FAM120B: variants seen among roughly 807,000 people sequenced by gnomAD.
FAM120B encodes the protein constitutive coactivator of peroxisome proliferator-activated receptor gamma.
Under a neutral mutation model 96.3 loss-of-function variants are expected in FAM120B, and 83 were observed. The observed-to-expected ratio is 0.86, with a 90% CI of 0.72 to 1.03. FAM120B has a LOEUF of 1.03. FAM120B is among the 50% of genes least tolerant of loss of function. FAM120B has a pLI of 0.00. For synonymous variants in FAM120B, 407 were observed against 402.7 expected, an observed-to-expected ratio of 1.01 and a Z score of -0.13; for missense variants, 1,027 against 1,121.2, an observed-to-expected ratio of 0.92 and a Z score of 1.20.
intron 6 of FAM120B, among the ~76,000 whole-genome samples, chr6:170,366,527 C>T (rs749292910): frequency 1.4e-4 from 21 of 152,146 alleles, no homozygotes; most frequent in Non-Finnish European, 2.9e-4. Context: ...GAGTGGGGTT[C>T]CCCTGGTGGC....
chr6:170,382,042 G>T (rs938301501), intron 6 of FAM120B, among the ~76,000 whole-genome samples: 1 of 152,106 alleles, frequency 6.6e-6, no homozygotes, highest in African/African-American at 2.4e-5. Flanking sequence ...TAAAAAGCAT[G>T]CAGACAAAAA....
chr6:170,387,428 T>C (rs1218221973), intron 6 of FAM120B, among the ~76,000 whole-genome samples: 2 of 152,196 alleles, frequency 1.3e-5, no homozygotes, highest in African/African-American at 4.8e-5. Context: ...CAATGACGGA[T>C]TCAGTTTCAC....
chr6:170,393,106 G>A (rs1340089578), intron 8 of FAM120B, among the ~76,000 whole-genome samples: 4 of 134,536 alleles, frequency 3.0e-5, no homozygotes, highest in Non-Finnish European at 6.1e-5. Flanking sequence ...AAGGCCAGGA[G>A]TTTGACACTG....
At chr6:170,305,096 G>A (rs1784235563), upstream of FAM120B, among the ~76,000 whole-genome samples, 2 of 151,950 alleles carry the variant, frequency 1.3e-5, no homozygotes, top group South Asian at 4.1e-4. Context: ...CCACCCTCAT[G>A]ATTTATTCAC....
chr6:170,328,289 G>C (rs919931064), intron 3 of FAM120B, among the ~76,000 whole-genome samples: 9 of 152,052 alleles, frequency 5.9e-5, no homozygotes, highest in African/African-American at 2.4e-5. Context: ...TTTGTTAAAA[G>C]CTCAGACACA....
At chr6:170,399,517 G>C (rs1778417784) in intron 9 of FAM120B, among the ~76,000 whole-genome samples, 1 of 150,654 alleles carries the variant, frequency 6.6e-6, no homozygotes. Flanking sequence ...TCTTAGGAGT[G>C]AGTGGGGAAG....
chr6:170,337,208 G>A (rs1271075033), intron 4 of FAM120B, among the ~76,000 whole-genome samples: 3 of 152,048 alleles, frequency 2.0e-5, no homozygotes, highest in Non-Finnish European at 4.4e-5. Flanking sequence ...GATATCTTCC[G>A]TCAATACCTA....
chr6:170,318,925 C>T lies in FAM120B; in HGVS notation c.1535C>T (p.Thr512Ile), dbSNP rs756860858. 8.1e-6 allele frequency: 13 copies of T among 1,614,182 alleles called. No homozygotes were observed. The highest frequency in any genetic ancestry group is 1.6e-4 in the Middle Eastern group (1 of 6,062). ...HESKQEVPIC[T>I]DPISKQEDSM... ...TCCAAACAGGAAGTTCCCATATGTACAGATCCTATATCCAAGCAAGAAGAC... is the reference window on the plus strand; with the variant it reads ...TCCAAACAGGAAGTTCCCATATGTATAGATCCTATATCCAAGCAAGAAGAC... Residue 512 changes from threonine (T) to isoleucine (I), a missense_variant, in exon 2 of 11, where the codon ACA becomes ATA. Transcript: ENST00000476287.
chr6:170,326,138 A>G (rs979185290), intron 3 of FAM120B, among the ~76,000 whole-genome samples: 5 of 152,176 alleles, frequency 3.3e-5, no homozygotes, highest in Non-Finnish European at 7.4e-5. Flanking sequence ...TGTACCCTTC[A>G]CTCAGATTCC....
intron 6 of FAM120B, among the ~76,000 whole-genome samples, chr6:170,378,449 G>A (rs189407307): frequency 5.3e-5 from 8 of 152,214 alleles, no homozygotes; most frequent in Admixed American, 4.6e-4. Flanking sequence ...ACTTGTTTCC[G>A]TTCATGTCCC....
chr6:170,319,211 G>A, intron 2 of FAM120B, 87 bp downstream of exon 2: 1 of 1,325,620 alleles, frequency 7.5e-7, no homozygotes, highest in Non-Finnish European at 1.0e-6. Flanking sequence ...CTGCCTCAGT[G>A]TTTGGCCACT....
chr6:170,394,700 T>C (rs4710805), intron 8 of FAM120B, among the ~76,000 whole-genome samples: 44,740 of 53,414 alleles, frequency 0.84, 19,072 homozygotes, highest in African/African-American at 0.92. Flanking sequence ...CACAAGGCCA[T>C]GCCTCCGTGG....
At chr6:170,297,301 C>T (rs1030666137) in intron 1 of FAM120B, among the ~76,000 whole-genome samples, 48 of 152,292 alleles carry the variant, frequency 3.2e-4, no homozygotes, top group African/African-American at 1.1e-3. Context: ...CTTTCGAACG[C>T]GCCGTGCTTC....
In FAM120B at chr6:170,318,913, T is replaced by C. The variant is rs765172157; in HGVS notation, c.1523T>C (p.Val508Ala). 6.2e-7 allele frequency: 1 copy of C among 1,614,124 alleles called. No homozygotes were observed. Among genetic ancestry groups the C allele is most frequent in the Middle Eastern group, 1.6e-4 (1 of 6,062 alleles). Residue 508 changes from valine to alanine, a missense_variant, in exon 2 of 11, where the codon GTT (valine) becomes GCT (alanine). Physicochemically the swap from Val to Ala is moderately conservative, Grantham distance 64 (BLOSUM62 0). Coordinates refer to ENST00000476287, the MANE Select transcript of FAM120B (RefSeq NM_032448.3). ...ACAGGCCATGAATCCAAACAGGAAGTTCCCATATGTACAGATCCTATATCC... is the reference window on the plus strand; with the variant it reads ...ACAGGCCATGAATCCAAACAGGAAGCTCCCATATGTACAGATCCTATATCC... ...MCTGHESKQEVPICTDPISKQ... is the reference protein window; with the variant it reads ...MCTGHESKQEAPICTDPISKQ...
intron 4 of FAM120B, among the ~76,000 whole-genome samples, chr6:170,331,067 TCTTAAAG>T (rs1354027334): frequency 6.6e-6 from 1 of 152,222 alleles, no homozygotes; most frequent in East Asian, 1.9e-4. Flanking sequence ...ATGAGCAATA[TCTTAAAG>T]CTTAATGAGA....
At chr6:170,347,901 C>T (rs1208160423) in intron 4 of FAM120B, among the ~76,000 whole-genome samples, 2 of 151,912 alleles carry the variant, frequency 1.3e-5, no homozygotes, top group Non-Finnish European at 1.5e-5. Context: ...TCTTAATGGT[C>T]GAAAGTGCAG....
chr6:170,395,747 G>C lies in FAM120B; in HGVS notation c.2692+168G>C, dbSNP rs145470561. 2.3e-3 allele frequency among the ~76,000 whole-genome samples: 343 copies of C among 152,286 alleles called. 2 individuals are homozygous for C. The highest frequency in any genetic ancestry group is 0.014 in the Middle Eastern group (4 of 294). ...AATTTTTATCATTTAGTGAAATAAA[G>C]ACAAATAATTTCCATGGTTGATGCT... On this transcript the variant is annotated intron_variant, in intron 9 of 10. Coordinates refer to ENST00000476287, the MANE Select transcript of FAM120B (RefSeq NM_032448.3).
intron 4 of FAM120B, among the ~76,000 whole-genome samples, chr6:170,337,720 G>A (rs1327681589): frequency 1.3e-5 from 2 of 152,076 alleles, no homozygotes; most frequent in East Asian, 1.9e-4. Context: ...CCTATTATTG[G>A]TCCGTTCAGG....
chr6:170,313,660 C>T (rs1209110647), intron 1 of FAM120B, among the ~76,000 whole-genome samples: 2 of 152,226 alleles, frequency 1.3e-5, no homozygotes, highest in Non-Finnish European at 2.9e-5. Flanking sequence ...TTGTCTCCAG[C>T]TTACCTTGCT....
Sources: gnomAD v4.1 joint callset for allele counts (sites outside exome capture counted in the v4.1 genomes callset) on GRCh38, gnomAD v4.1.1 for gene constraint, MANE v1.5 for transcripts, NCBI Gene and HGNC (gene_info 2026-07-23, HGNC 2026-07-21) for gene names.